The following DTWD2 variants were observed in gnomAD, a reference collection of about 807,000 sequenced individuals.
DTWD2 encodes the protein tRNA-uridine aminocarboxypropyltransferase 2.
In DTWD2, 39 loss-of-function variants were observed where a neutral mutation model predicts 31.8. The ratio of observed to expected loss-of-function variants is 1.22; its 90% CI spans 0.95 to 1.60. The LOEUF (loss-of-function observed/expected upper bound fraction) is 1.60, where lower values mean the gene tolerates loss of function less well. Ranked by LOEUF, DTWD2 falls within the 40% of genes most tolerant of loss-of-function variation. The pLI, the probability that DTWD2 is intolerant of heterozygous loss-of-function variation, is 0.00. For synonymous variants in DTWD2, 180 were observed against 142.8 expected (o/e 1.26, Z -1.86); for missense variants, 515 against 381.5 (o/e 1.35, Z -2.92).
At chr5:118,954,134 G>A (rs1001803441) in intron 1 of DTWD2, among the ~76,000 whole-genome samples, 11 of 152,104 alleles carry the variant, frequency 7.2e-5, no homozygotes, top group East Asian at 1.9e-4. Context: ...AGCCAGACAC[G>A]GTGGTGCACA....
chr5:118,895,665 T>C (rs6889121), intron 4 of DTWD2, among the ~76,000 whole-genome samples: 1,755 of 152,200 alleles, frequency 0.012, 31 homozygotes, highest in African/African-American at 0.037. Context: ...AAAGGACACA[T>C]AGACCAGTGG....
intron 5 of DTWD2, among the ~76,000 whole-genome samples, chr5:118,846,861 T>C (rs1305117796): frequency 6.6e-6 from 1 of 150,430 alleles, no homozygotes; most frequent in African/African-American, 2.5e-5. Context: ...GAATTTTTTT[T>C]CAAAAGCAGA....
rs529216462 is a variant in DTWD2 at position 118,983,121 on chromosome 5, A to G, written c.218+5173T>C. Among the ~76,000 whole-genome samples, 15 of 152,322 alleles carry G rather than the reference A, an allele frequency of 9.8e-5. 1 individual carries two copies. In the South Asian group the frequency reaches 3.1e-3, roughly 32 times the overall value. On this transcript the variant is annotated intron_variant, in intron 1 of 5. Transcript: ENST00000510708. ...ACTGATTTACCAGTTGCTCAGTCAG[A>G]CAACCACAATGATGTACAGGAGACC... is the stretch of plus-strand genomic sequence containing the variant.
intron 4 of DTWD2, among the ~76,000 whole-genome samples, chr5:118,885,653 T>G (rs1422871074): frequency 6.7e-6 from 1 of 150,224 alleles, no homozygotes; most frequent in African/African-American, 2.5e-5. Context: ...TAATCCCAGC[T>G]ACTCGGGAGG....
intron 1 of DTWD2, among the ~76,000 whole-genome samples, chr5:118,948,104 G>A (rs1754380516): frequency 6.6e-6 from 1 of 152,144 alleles, no homozygotes; most frequent in Non-Finnish European, 1.5e-5. Context: ...ATAGAGTGTT[G>A]ACAGATGTGG....
chr5:118,839,351 T>C lies in DTWD2; in HGVS notation c.*1566A>G, dbSNP rs1751654111. 1 of 151,946 alleles carries C rather than the reference T, an allele frequency of 6.6e-6. No individual in the cohort carries two copies. Among genetic ancestry groups the C allele is most frequent in the Non-Finnish European group, 1.5e-5 (1 of 67,982 alleles). The allele number at this position is 151,946 out of a possible 1,614,324, so 9.4% of individuals were successfully genotyped here. A position where few individuals can be genotyped will look rare whatever the true frequency, so the allele number is the denominator to read the frequency against. On this transcript the variant is annotated 3_prime_UTR_variant, in exon 6 of 6. Transcript: ENST00000510708. The stretch of plus-strand genomic sequence containing the variant: ...GTGCTTTACATTGTAAATGAGCTAG[T>C]TTGTTTATTTATTTATTTATTTTAG...
intron 1 of DTWD2, among the ~76,000 whole-genome samples, chr5:118,950,082 C>T (rs766591915): frequency 1.1e-4 from 16 of 151,730 alleles, no homozygotes; most frequent in Non-Finnish European, 1.6e-4. Flanking sequence ...TGGTGGCGGA[C>T]GCCTGTCATC....
chr5:118,853,598 C>A lies in DTWD2; in HGVS notation c.598-5380G>T, dbSNP rs926704025. Among the ~76,000 whole-genome samples the A allele has an allele frequency of 3.9e-5, 6 of 152,124 alleles. No individual in the cohort carries two copies. In the South Asian group the frequency reaches 1.2e-3, roughly 32 times the overall value. On this transcript the variant is annotated intron_variant, in intron 4 of 5. Coordinates refer to ENST00000510708, the MANE Select transcript of DTWD2 (RefSeq NM_173666.4). ...AAGAATGAAATCATGTCCTTTGCAG[C>A]AACGTGATGCTGCTGGAGGCCATTA...
chr5:118,922,724 T>C (rs1227268301), intron 4 of DTWD2, among the ~76,000 whole-genome samples: 2 of 152,198 alleles, frequency 1.3e-5, no homozygotes, highest in East Asian at 1.9e-4. Context: ...GACTATAGCA[T>C]ACAGTGAGTT....
intron 2 of DTWD2, among the ~76,000 whole-genome samples, chr5:118,943,839 T>A (rs901840566): frequency 6.6e-6 from 1 of 152,208 alleles, no homozygotes; most frequent in East Asian, 1.9e-4. Context: ...TTGAGAAATT[T>A]AAAAAATAAT....
chr5:118,923,545 C>A (rs1753749263), intron 4 of DTWD2, among the ~76,000 whole-genome samples: 1 of 152,166 alleles, frequency 6.6e-6, no homozygotes, highest in Non-Finnish European at 1.5e-5. Flanking sequence ...GGAAACCCAC[C>A]CTAACGGAAG....
intron 4 of DTWD2, among the ~76,000 whole-genome samples, chr5:118,919,484 C>T (rs1753653789): frequency 1.3e-5 from 2 of 152,222 alleles, no homozygotes; most frequent in Admixed American, 1.3e-4. Flanking sequence ...AACACACAAT[C>T]TCAAACTTCA....
chr5:118,869,555 TG>T (rs1270522685), intron 4 of DTWD2, among the ~76,000 whole-genome samples: 11 of 152,308 alleles, frequency 7.2e-5, no homozygotes, highest in Admixed American at 5.2e-4. Flanking sequence ...AAACAAGAGC[TG>T]CTCTCTTTAT....
chr5:118,856,764 CTTTTTTT>C (rs68175368), intron 4 of DTWD2, among the ~76,000 whole-genome samples: 5 of 44,342 alleles, frequency 1.1e-4, no homozygotes, highest in South Asian at 1.1e-3. Flanking sequence ...TTGAGGCTTA[CTTTTTTT>C]TTTTTTTTTT....
rs1755483022 is a variant in DTWD2 at position 118,988,352 on chromosome 5, C to A, written c.160G>T (p.Gly54Trp). 2 of 1,561,682 alleles carry A rather than the reference C, an allele frequency of 1.3e-6. No individual in the cohort carries two copies. Among genetic ancestry groups the A allele is most frequent in the African/African-American group, 1.4e-5 (1 of 72,852 alleles). Residue 54 changes from glycine (G) to tryptophan (W), a missense_variant, in exon 1 of 6, where the codon GGG becomes TGG. Coordinates refer to ENST00000510708, the MANE Select transcript of DTWD2 (RefSeq NM_173666.4). ...GAEADDDSAD[G>W]LWELPVEPAE... is the part of the protein sequence containing the mutation. ...GGCTCCACCGGCAGCTCCCACAGCC[C>A]GTCCGCACTGTCGTCGTCCGCCTCT...
chr5:118,982,121 C>A (rs1189165148), intron 1 of DTWD2, among the ~76,000 whole-genome samples: 1 of 152,124 alleles, frequency 6.6e-6, no homozygotes. Context: ...TACTTTGTAG[C>A]CAGTGAACTC....
intron 4 of DTWD2, among the ~76,000 whole-genome samples, chr5:118,850,717 C>T (rs1751980918): frequency 6.6e-6 from 1 of 151,938 alleles, no homozygotes; most frequent in Non-Finnish European, 1.5e-5. Context: ...ATTATCAACA[C>T]AGCAATCCGA....
chr5:118,984,269 A>T (rs1755371145), intron 1 of DTWD2, among the ~76,000 whole-genome samples: 1 of 151,830 alleles, frequency 6.6e-6, no homozygotes, highest in Non-Finnish European at 1.5e-5. Context: ...AGCCTGGGCA[A>T]CAAGAGCAAA....
At chr5:118,965,579 G>A (rs1286946417) in intron 1 of DTWD2, among the ~76,000 whole-genome samples, 1 of 152,220 alleles carries the variant, frequency 6.6e-6, no homozygotes, top group East Asian at 1.9e-4. Flanking sequence ...TCTGTACTAA[G>A]AAAAATTCTT....
Sources: gnomAD v4.1 joint callset for allele counts (sites outside exome capture counted in the v4.1 genomes callset) on GRCh38, gnomAD v4.1.1 for gene constraint, MANE v1.5 for transcripts, NCBI Gene and HGNC (gene_info 2026-07-23, HGNC 2026-07-21) for gene names.